Variants in SLC25A16 observed in about 807,000 individuals in gnomAD.
SLC25A16 encodes solute carrier family 25 member 16.
In SLC25A16, 39 loss-of-function variants were observed where a neutral mutation model predicts 41.5. That is an observed-to-expected ratio of 0.94 (90% CI 0.73 to 1.23). The LOEUF is 1.23. Among genes scored for constraint, SLC25A16 ranks in the 50% most tolerant of loss-of-function variants. The probability of loss-of-function intolerance (pLI) is 0.00; values close to 1 mark genes in which losing one functional copy is unlikely to be tolerated. For synonymous variants in SLC25A16, 146 were observed against 147.8 expected (o/e 0.99, Z 0.09); for missense variants, 421 against 426.9 (o/e 0.99, Z 0.12).
intron 6 of SLC25A16, among the ~76,000 whole-genome samples, chr10:68,489,817 C>T (rs904791400): frequency 6.7e-6 from 1 of 149,552 alleles, no homozygotes; most frequent in Non-Finnish European, 1.5e-5. Context: ...AAGAGAATTG[C>T]TTGAACCCGG....
intron 2 of SLC25A16, among the ~76,000 whole-genome samples, chr10:68,512,118 G>T (rs1277969438): frequency 6.6e-6 from 1 of 152,100 alleles, no homozygotes; most frequent in East Asian, 1.9e-4. Context: ...AATAAACTGT[G>T]TGAGGAAGAA....
intron 3 of SLC25A16, among the ~76,000 whole-genome samples, chr10:68,505,763 G>A (rs1468226248): frequency 1.3e-5 from 2 of 152,044 alleles, no homozygotes; most frequent in Non-Finnish European, 2.9e-5. Context: ...GGCCGGGCAC[G>A]GTGGCTCAAG....
chr10:68,527,288 T>C lies in SLC25A16; in HGVS notation c.88A>G (p.Thr30Ala). 1 of 1,547,630 alleles carries C rather than the reference T, an allele frequency of 6.5e-7. No individual in the cohort carries two copies. Among genetic ancestry groups the C allele is most frequent in the Non-Finnish European group, 8.7e-7 (1 of 1,145,616 alleles). The part of the protein sequence containing the change: ...PQAAGAGGPT[T>A]RRDFYWLRSF... ...CGCAGCCAGTAGAAGTCTCTGCGGG[T>C]TGTGGGCCCTCCGGCCCCTGCCGCC... is the stretch of plus-strand genomic sequence containing the variant. The change falls in exon 1 of 9, where the codon ACC becomes GCC. Residue 30 changes from threonine (T) to alanine (A), a missense_variant. Transcript: ENST00000609923.
At chr10:68,496,687 G>C (rs1281857928) in intron 4 of SLC25A16, 1 of 964,894 alleles carries the variant, frequency 1.0e-6, no homozygotes, top group Non-Finnish European at 1.2e-6. Flanking sequence ...CTACAGTCTA[G>C]AATCCCAGGA....
chr10:68,515,358 A>G (rs1272119809), intron 2 of SLC25A16, among the ~76,000 whole-genome samples: 1 of 12,016 alleles, frequency 8.3e-5, no homozygotes, highest in East Asian at 5.9e-3. Flanking sequence ...CTCCATCTCC[A>G]AAAAAAGAAA....
chr10:68,510,034 G>A (rs10998236), intron 2 of SLC25A16, among the ~76,000 whole-genome samples: 6,774 of 150,260 alleles, frequency 0.045, 164 homozygotes, highest in Middle Eastern at 0.067. Flanking sequence ...CCGAGATCGC[G>A]CCACTGCACT....
intron 4 of SLC25A16, among the ~76,000 whole-genome samples, chr10:68,497,279 G>A (rs185218970): frequency 3.3e-5 from 5 of 152,134 alleles, no homozygotes; most frequent in Admixed American, 1.3e-4. Context: ...ATATACTTTA[G>A]ACAAAAGAAG....
At chr10:68,523,472 A>T (rs1237584374) in intron 1 of SLC25A16, among the ~76,000 whole-genome samples, 3 of 151,882 alleles carry the variant, frequency 2.0e-5, no homozygotes, top group Non-Finnish European at 4.4e-5. Context: ...GTGTGAATAA[A>T]TGTCATTTTT....
At chr10:68,483,886 A>G (rs1409099813) in intron 8 of SLC25A16, among the ~76,000 whole-genome samples, 1 of 151,958 alleles carries the variant, frequency 6.6e-6, no homozygotes, top group Admixed American at 6.6e-5. Flanking sequence ...CCAGTCTCAA[A>G]CTCCTGACCT....
At chr10:68,503,133 A>G (rs1050118286) in intron 4 of SLC25A16, 4 of 152,364 alleles carry the variant, frequency 2.6e-5, no homozygotes, top group Non-Finnish European at 5.9e-5. Flanking sequence ...TAAAGAAAAA[A>G]GAAATTTTGA....
chr10:68,494,613 A>C (rs1439211607), intron 4 of SLC25A16, among the ~76,000 whole-genome samples: 1 of 149,780 alleles, frequency 6.7e-6, no homozygotes, highest in African/African-American at 2.4e-5. Context: ...AGGCATGCTC[A>C]CGCCTGTAGT....
chr10:68,506,741 G>A (rs749503385), intron 2 of SLC25A16, 23 bp from the exon 3 acceptor site: 3 of 1,492,312 alleles, frequency 2.0e-6, no homozygotes, highest in East Asian at 2.4e-5. Flanking sequence ...GAAAAATGCT[G>A]TTAAAACAGA....
At chr10:68,485,665 G>A (rs2052547412) in intron 8 of SLC25A16, among the ~76,000 whole-genome samples, 2 of 151,854 alleles carry the variant, frequency 1.3e-5, no homozygotes, top group Non-Finnish European at 2.9e-5. Flanking sequence ...TTATAGGCGT[G>A]AGCCACTGCG....
Position 68,488,581 on chromosome 10 carries a change from T to G in SLC25A16, c.659A>C (p.His220Pro). 1 of 1,611,924 alleles carries G rather than the reference T, an allele frequency of 6.2e-7. No homozygotes were observed. ...FGTLKSVGLS[H>P]APTLLGRPSS... is the part of the protein sequence containing the mutation. ...AGGTCTGCCAAGAAGGGTAGGAGCA[T>G]GGGAAAGCCCAACACTCTTCAAGGT... is the stretch of plus-strand genomic sequence containing the variant. The change falls in exon 7 of 9, where the codon CAT becomes CCT. Residue 220 changes from histidine (H) to proline (P), a missense_variant. Coordinates refer to ENST00000609923, the MANE Select transcript of SLC25A16 (RefSeq NM_152707.4).
intron 3 of SLC25A16, among the ~76,000 whole-genome samples, chr10:68,505,870 T>C (rs2052944264): frequency 6.6e-6 from 1 of 151,888 alleles, no homozygotes; most frequent in Non-Finnish European, 1.5e-5. Context: ...CCATCTCTAC[T>C]AAAAATACAA....
At chr10:68,498,591 G>C (rs1234383032) in intron 4 of SLC25A16, among the ~76,000 whole-genome samples, 1 of 152,160 alleles carries the variant, frequency 6.6e-6, no homozygotes, top group Non-Finnish European at 1.5e-5. Flanking sequence ...GGTTACCCAG[G>C]AGGCTGAGCG....
chr10:68,501,729 G>T (rs911652776), intron 4 of SLC25A16, among the ~76,000 whole-genome samples: 2 of 151,934 alleles, frequency 1.3e-5, no homozygotes, highest in African/African-American at 4.8e-5. Context: ...AAGCCATCCT[G>T]GGCAACGGAG....
chr10:68,505,567 G>A (rs2052937100), intron 3 of SLC25A16, among the ~76,000 whole-genome samples: 1 of 152,032 alleles, frequency 6.6e-6, no homozygotes, highest in South Asian at 2.1e-4. Context: ...TGAATCAGGA[G>A]TTCCAGACCA....
intron 2 of SLC25A16, among the ~76,000 whole-genome samples, chr10:68,512,900 G>T (rs1031968924): frequency 6.6e-6 from 1 of 152,028 alleles, no homozygotes; most frequent in South Asian, 2.1e-4. Context: ...TTAGCTGGGC[G>T]TGGTGGCGGG....
Sources: gnomAD v4.1 joint callset for allele counts (sites outside exome capture counted in the v4.1 genomes callset) on GRCh38, gnomAD v4.1.1 for gene constraint, MANE v1.5 for transcripts, NCBI Gene and HGNC (gene_info 2026-07-23, HGNC 2026-07-21) for gene names.